Variants in NMS observed in about 807,000 individuals in gnomAD.
The protein encoded by NMS is neuromedin S.
A neutral mutation model predicts 32.2 loss-of-function variants in NMS; 30 were observed. The ratio of observed to expected loss-of-function variants is 0.93; its 90% CI spans 0.70 to 1.26. The LOEUF (loss-of-function observed/expected upper bound fraction) is 1.26. Among genes scored for constraint, NMS ranks in the 50% most tolerant of loss-of-function variants. The pLI, the probability that NMS is intolerant of heterozygous loss-of-function variation, is 0.00. For synonymous variants in NMS, 76 were observed against 58.5 expected (o/e 1.30, Z -1.37); for missense variants, 190 against 186.3 (o/e 1.02, Z -0.12).
In NMS at chr2:100,472,203, A is replaced by G. The variant is rs144450875; in HGVS notation, c.77-592A>G. On this transcript the variant is annotated intron_variant, in intron 1 of 9. Transcript: ENST00000376865. ...CATCTTGTTAGTTTTGACCTATCCAATTGATTCTTTCGACTGCACTATAGC... is the reference window on the plus strand; with the variant it reads ...CATCTTGTTAGTTTTGACCTATCCAGTTGATTCTTTCGACTGCACTATAGC... 2.4e-3 allele frequency among the ~76,000 whole-genome samples: 363 copies of G among 152,320 alleles called. 1 individual carries two copies. The highest frequency in any genetic ancestry group is 3.6e-3 in the Non-Finnish European group (247 of 68,024).
At chr2:100,470,673 G>A (rs1676991829) in intron 1 of NMS, 109 bp downstream of exon 1, 6 of 852,098 alleles carry the variant, frequency 7.0e-6, no homozygotes, top group South Asian at 2.7e-5. Flanking sequence ...ATTCTCCCCC[G>A]CCAGACCTTC....
intron 2 of NMS, 32 bp downstream of exon 2, chr2:100,472,882 G>T: frequency 6.9e-7 from 1 of 1,441,178 alleles, no homozygotes; most frequent in Non-Finnish European, 9.8e-7. Context: ...TGAGATTTTT[G>T]TTTAGTCTGG....
At chr2:100,475,268 T>C (rs1270092171) in intron 3 of NMS, among the ~76,000 whole-genome samples, 2 of 152,212 alleles carry the variant, frequency 1.3e-5, no homozygotes, top group Non-Finnish European at 2.9e-5. Flanking sequence ...GCATGTCACT[T>C]CGTCTCTTGG....
chr2:100,473,687 C>A (rs1049279134), intron 3 of NMS, 148 bp downstream of exon 3: 1 of 254,258 alleles, frequency 3.9e-6, no homozygotes, highest in East Asian at 7.9e-5. Context: ...AAGCAAATAT[C>A]TTAAATATAA....
In NMS at chr2:100,473,486, TA is replaced by T; in HGVS notation, c.133-2del. On this transcript the variant is annotated splice_acceptor_variant, in intron 2 of 9. Transcript: ENST00000376865. LOFTEE classifies it high-confidence loss of function. The stretch of plus-strand genomic sequence containing the variant: ...GATTTGTTTTCTTCATTTTATTTTT[TA>T]GCAGCTGGCATATTGTCTGAGTCAG... The T allele has an allele frequency of 6.7e-7, 1 of 1,488,500 alleles. No homozygotes were observed. The highest frequency in any genetic ancestry group is 9.0e-7 in the Non-Finnish European group (1 of 1,109,078). 92.2% of individuals were successfully genotyped at this position (1,488,500 alleles called of 1,614,324 possible).
intron 5 of NMS, among the ~76,000 whole-genome samples, 179 bp downstream of exon 5, chr2:100,477,593 G>A (rs989432474): frequency 1.3e-5 from 2 of 152,100 alleles, no homozygotes; most frequent in Non-Finnish European, 2.9e-5. Context: ...CTCTGGGCTG[G>A]GGGTGGTAGG....
At chr2:100,472,929 A>G in intron 2 of NMS, 79 bp downstream of exon 2, 1 of 959,226 alleles carries the variant, frequency 1.0e-6, no homozygotes. Context: ...TTCACTTAAA[A>G]CTATTTTGAG....
At chr2:100,482,549 C>T (rs1677239996) in intron 9 of NMS, among the ~76,000 whole-genome samples, 2 of 152,016 alleles carry the variant, frequency 1.3e-5, no homozygotes, top group Admixed American at 1.3e-4. Flanking sequence ...CACTTCCATG[C>T]CCAGCTCTTC....
chr2:100,480,388 C>T (rs1677194288), intron 6 of NMS, 108 bp from the exon 7 acceptor site: 1 of 1,154,918 alleles, frequency 8.7e-7, no homozygotes, highest in East Asian at 2.4e-5. Flanking sequence ...TTGCACCAGA[C>T]TTCTGACTAT....
intron 5 of NMS, 123 bp downstream of exon 5, chr2:100,477,537 G>A: frequency 1.5e-6 from 1 of 675,814 alleles, no homozygotes; most frequent in South Asian, 2.0e-5. Context: ...CTGGGTAGTA[G>A]CTTCCCAGGG....
intron 9 of NMS, among the ~76,000 whole-genome samples, chr2:100,483,022 C>G (rs1467510638): frequency 6.6e-6 from 1 of 152,206 alleles, no homozygotes; most frequent in Non-Finnish European, 1.5e-5. Flanking sequence ...AAACACAAAG[C>G]AAAGATGCTC....
At chr2:100,475,960 C>T (rs193008393) in intron 3 of NMS, among the ~76,000 whole-genome samples, 151 of 146,820 alleles carry the variant, frequency 1.0e-3, no homozygotes, top group African/African-American at 3.7e-3. Flanking sequence ...TATTGTACCA[C>T]TGCACTCAAG....
chr2:100,479,455 T>G, intron 6 of NMS, 28 bp downstream of exon 6: 1 of 1,579,432 alleles, frequency 6.3e-7, no homozygotes, highest in Non-Finnish European at 8.7e-7. Flanking sequence ...TCCACCATAG[T>G]TTATGCCCCT....
In NMS at chr2:100,482,907, G is replaced by T. The variant is rs76300899; in HGVS notation, c.450-345G>T. Among the ~76,000 whole-genome samples the T allele has an allele frequency of 3.2e-4, 48 of 152,318 alleles. No individual in the cohort carries two copies. In the East Asian group the frequency reaches 8.9e-3, roughly 28 times the overall value. On this transcript the variant is annotated intron_variant, in intron 9 of 9. Transcript: ENST00000376865. ...GGGGATGTGGTCCCAAGGAAATAAG[G>T]CTGCTGTCCAATGGATGCTGCCAGC...
chr2:100,481,093 T>C, intron 7 of NMS, 33 bp from the exon 8 acceptor site: 1 of 1,612,622 alleles, frequency 6.2e-7, no homozygotes, highest in East Asian at 2.2e-5. Context: ...TGCAATATGG[T>C]TGCATAATGG....
intron 6 of NMS, among the ~76,000 whole-genome samples, 192 bp downstream of exon 6, chr2:100,479,619 C>T (rs764132475): frequency 1.3e-5 from 2 of 152,204 alleles, no homozygotes; most frequent in African/African-American, 2.4e-5. Context: ...ACTGAAACCC[C>T]ATGAGGTGGT....
intron 9 of NMS, among the ~76,000 whole-genome samples, chr2:100,482,858 C>G (rs934443500): frequency 6.6e-6 from 1 of 152,224 alleles, no homozygotes; most frequent in Admixed American, 6.5e-5. Context: ...TCAAGGGCAG[C>G]TCCGGGCCTC....
chr2:100,482,351 T>C, intron 9 of NMS, 40 bp downstream of exon 9: 1 of 1,596,108 alleles, frequency 6.3e-7, no homozygotes, highest in Non-Finnish European at 8.6e-7. Flanking sequence ...CTTTTTCTCT[T>C]TCAAGCAAAT....
chr2:100,472,854 C>G lies in NMS; in HGVS notation c.132+4C>G. On this transcript the variant is annotated splice_donor_region_variant and intron_variant, in intron 2 of 9. Coordinates refer to ENST00000376865, the MANE Select transcript of NMS (RefSeq NM_001011717.1). ...CTTGGATATTGTGCAGCTTGAGGTA[C>G]CCAATTATTCAGTAATGTGAGATTT... is the stretch of plus-strand genomic sequence containing the variant. The G allele has an allele frequency of 6.3e-7, 1 of 1,595,272 alleles. No individual in the cohort carries two copies. Among genetic ancestry groups the G allele is most frequent in the South Asian group, 1.1e-5 (1 of 90,422 alleles).
Sources: gnomAD v4.1 joint callset for allele counts (sites outside exome capture counted in the v4.1 genomes callset) on GRCh38, gnomAD v4.1.1 for gene constraint, MANE v1.5 for transcripts, NCBI Gene and HGNC (gene_info 2026-07-23, HGNC 2026-07-21) for gene names.